Variants in UNC13B observed in about 807,000 individuals in gnomAD.
UNC13B encodes the protein protein unc-13 homolog B.
UNC13B carries 144 observed loss-of-function variants against 211.0 expected under a neutral mutation model. The ratio of observed to expected loss-of-function variants is 0.68; its 90% CI spans 0.60 to 0.78. The LOEUF is 0.78. UNC13B is among the 30% of genes least tolerant of loss of function. The pLI is 0.00. For missense variants in UNC13B, 1,777 were observed against 2,002.0 expected (o/e 0.89, Z 2.14); for synonymous variants, 709 against 725.8 (o/e 0.98, Z 0.37).
intron 11 of UNC13B, among the ~76,000 whole-genome samples, chr9:35,355,268 T>C (rs1360116114): frequency 1.3e-5 from 2 of 152,222 alleles, no homozygotes; most frequent in East Asian, 3.8e-4. Context: ...AAGAAACGGA[T>C]ACATTGTTGC....
Position 35,297,621 on chromosome 9 carries a change from C to T in UNC13B, c.761+1691C>T, listed in dbSNP as rs555050179. On this transcript the variant is annotated intron_variant, in intron 8 of 39. Coordinates refer to ENST00000635942, the MANE Select transcript of UNC13B (RefSeq NM_001371189.2). Reference sequence around the variant, plus strand: ...CCGGACTGCAGTGGCGCTATCTCGGCTCACGGCAAGCTCCGCCTCCCGGGT... The same window carrying T: ...CCGGACTGCAGTGGCGCTATCTCGGTTCACGGCAAGCTCCGCCTCCCGGGT... Among the ~76,000 whole-genome samples the T allele has an allele frequency of 1.4e-3, 206 of 143,916 alleles. 1 individual carries two copies. Among genetic ancestry groups the T allele is most frequent in the African/African-American group, 5.4e-3 (200 of 37,314 alleles). The allele number at this position is 143,916 out of a possible 152,430, so 94.4% of individuals were successfully genotyped here.
chr9:35,388,934 A>G (rs1363628572), intron 24 of UNC13B, among the ~76,000 whole-genome samples: 1 of 152,230 alleles, frequency 6.6e-6, no homozygotes, highest in Non-Finnish European at 1.5e-5. Flanking sequence ...CTGAGCCAGG[A>G]CAGTGACAGA....
intron 1 of UNC13B, among the ~76,000 whole-genome samples, chr9:35,164,951 G>A (rs1181381198): frequency 1.3e-5 from 2 of 152,294 alleles, no homozygotes; most frequent in South Asian, 4.1e-4. Context: ...CCCAGACAAA[G>A]GAAGTAATTG....
At position 35,301,998 on chromosome 9, in the gene UNC13B, T is replaced by C. The variant is rs763899615; in HGVS notation, c.2594T>C (p.Phe865Ser). 2 of 398,786 alleles carry C rather than the reference T, an allele frequency of 5.0e-6. No homozygotes were observed. Among genetic ancestry groups the C allele is most frequent in the Non-Finnish European group, 8.9e-6 (2 of 225,862 alleles). The allele number at this position is 398,786 out of a possible 1,614,324, so 24.7% of individuals were successfully genotyped here. The stretch of plus-strand genomic sequence containing the variant: ...TTTAGTGGAAAACTAAATCTTCCAT[T>C]TTTTAGAAGTCTTGGTCATTCTGAA... ...FSFSGKLNLP[F>S]FRSLGHSEKQ... is the part of the protein sequence containing the mutation. Residue 865 changes from phenylalanine (F) to serine (S), a missense_variant, in exon 9 of 40, where the codon TTT becomes TCT. Transcript: ENST00000635942.
chr9:35,187,250 C>T (rs539931606), intron 1 of UNC13B, among the ~76,000 whole-genome samples: 1 of 152,260 alleles, frequency 6.6e-6, no homozygotes, highest in Admixed American at 6.5e-5. Flanking sequence ...CAAACAGAAA[C>T]ATCTGGGTTA....
In UNC13B at chr9:35,399,700, G is replaced by A. The variant is rs1299045265; in HGVS notation, c.12307G>A (p.Val4103Ile). 6.2e-7 allele frequency: 1 copy of A among 1,614,116 alleles called. No individual in the cohort carries two copies. The highest frequency in any genetic ancestry group is 1.3e-5 in the African/African-American group (1 of 75,010). ...TRNLTPKQCA[V>I]LDLALDTIKQ... ...GAATCTCACTCCAAAGCAGTGTGCAGTCCTTGACCTCGCCCTGGACACCAT... is the reference window on the plus strand; with the variant it reads ...GAATCTCACTCCAAAGCAGTGTGCAATCCTTGACCTCGCCCTGGACACCAT... The change falls in exon 36 of 40, where the codon GTC (valine) becomes ATC (isoleucine). Residue 4103 changes from valine to isoleucine, a missense_variant. Transcript: ENST00000635942.
intron 7 of UNC13B, among the ~76,000 whole-genome samples, chr9:35,282,580 T>G (rs1828562515): frequency 6.6e-6 from 1 of 151,998 alleles, no homozygotes; most frequent in Non-Finnish European, 1.5e-5. Context: ...TACAGGCACA[T>G]GCCACCACAC....
chr9:35,212,547 T>G (rs376516087), intron 1 of UNC13B, among the ~76,000 whole-genome samples: 237 of 152,334 alleles, frequency 1.6e-3, no homozygotes, highest in African/African-American at 5.3e-3. Flanking sequence ...CACTCCATCC[T>G]GGGTGACAGA....
intron 1 of UNC13B, among the ~76,000 whole-genome samples, chr9:35,165,266 T>C (rs1051280860): frequency 1.8e-4 from 27 of 152,248 alleles, no homozygotes; most frequent in African/African-American, 6.0e-4. Context: ...GGAAATTAGA[T>C]TTTAGCTTAA....
In UNC13B at chr9:35,378,404, C is replaced by T. The variant is rs55720245; in HGVS notation, c.10173C>T (p.Asn3391=). 22,147 of 1,614,082 alleles carry T rather than the reference C, an allele frequency of 0.014. 197 individuals are homozygous for T. The highest frequency in any genetic ancestry group is 0.017 in the Non-Finnish European group (20,307 of 1,180,002). ...AGCGTACCAAGACCATTTTTGGAAA[C>T]TTGAATCCTGTTTGGGAGGAGAAGT... The part of the protein sequence containing the change: ...TKKRTKTIFG[N]LNPVWEEKFH... The change falls in exon 17 of 40, where the codon AAC becomes AAT. Residue 3391 remains asparagine, a synonymous_variant. Coordinates refer to ENST00000635942, the MANE Select transcript of UNC13B (RefSeq NM_001371189.2).
chr9:35,297,618 C>A (rs1484187812), intron 8 of UNC13B, among the ~76,000 whole-genome samples: 1 of 146,312 alleles, frequency 6.8e-6, no homozygotes, highest in Non-Finnish European at 1.5e-5. Context: ...GGCGCTATCT[C>A]GGCTCACGGC....
chr9:35,398,402 G>A (rs1836030583), intron 31 of UNC13B, 114 bp downstream of exon 31: 1 of 1,414,448 alleles, frequency 7.1e-7, no homozygotes, highest in Admixed American at 1.8e-5. Flanking sequence ...CTTGGGGTCT[G>A]GGCTGGCTTA....
At chr9:35,177,348 G>A (rs7865406) in intron 1 of UNC13B, among the ~76,000 whole-genome samples, 124,417 of 152,132 alleles carry the variant, frequency 0.82, 51,146 homozygotes, top group East Asian at 0.98. Context: ...AAAGTTAGCG[G>A]GAATAAGACC....
intron 11 of UNC13B, among the ~76,000 whole-genome samples, chr9:35,350,396 C>G (rs1426710874): frequency 6.6e-6 from 1 of 152,148 alleles, no homozygotes; most frequent in African/African-American, 2.4e-5. Context: ...TAGAGCAACC[C>G]TTTGTTATTA....
At chr9:35,330,394 G>A (rs146174351) in intron 11 of UNC13B, among the ~76,000 whole-genome samples, 2 of 152,332 alleles carry the variant, frequency 1.3e-5, no homozygotes, top group African/African-American at 4.8e-5. Context: ...CATTGACACT[G>A]CTGTTTTTTT....
In UNC13B at chr9:35,366,975, C is replaced by T. The variant is rs1340072525; in HGVS notation, c.9443C>T (p.Pro3148Leu). The change falls in exon 12 of 40, where the codon CCT becomes CTT. Residue 3148 changes from proline (P) to leucine (L), a missense_variant. Transcript: ENST00000635942. Reference protein sequence around the residue: ...EIPDDGDPSLPQWLPEGPAGG... With the variant: ...EIPDDGDPSLLQWLPEGPAGG... ...CCAGATGATGGTGACCCCTCTCTGC[C>T]TCAGTGGCTCCCGGAAGGGTAAGTA... 4 of 1,613,942 alleles carry T rather than the reference C, an allele frequency of 2.5e-6. No individual in the cohort carries two copies. The highest frequency in any genetic ancestry group is 3.4e-6 in the Non-Finnish European group (4 of 1,179,816).
intron 7 of UNC13B, among the ~76,000 whole-genome samples, chr9:35,282,382 T>A (rs777596103): frequency 6.6e-6 from 1 of 152,066 alleles, no homozygotes. Context: ...TGTTTTTGCT[T>A]GTTTTCTTGT....
rs1835926176 is a variant in UNC13B at position 35,396,993 on chromosome 9, T to C, written c.11532+56T>C. ...CAGGCCAGGTCTCCCAGCAATTAGC[T>C]ATTGGCAGAAGTTCCTGGGCTTTGG... On this transcript the variant is annotated intron_variant, in intron 28 of 39. Transcript: ENST00000635942. 4.3e-6 allele frequency: 7 copies of C among 1,609,526 alleles called. No individual in the cohort carries two copies. In the East Asian group the frequency reaches 1.6e-4, roughly 36 times the overall value.
chr9:35,358,853 G>A (rs1297575479), intron 11 of UNC13B, among the ~76,000 whole-genome samples: 2 of 151,684 alleles, frequency 1.3e-5, no homozygotes, highest in Non-Finnish European at 2.9e-5. Flanking sequence ...CATCCACCAC[G>A]AAGCCTGGTT....
Sources: allele counts gnomAD v4.1 joint callset (sites outside exome capture counted in the v4.1 genomes callset), GRCh38; gene constraint gnomAD v4.1.1; transcripts MANE v1.5; gene names NCBI Gene and HGNC (gene_info 2026-07-23, HGNC 2026-07-21).